DGKI: variants seen among roughly 807,000 people sequenced by gnomAD.
DGKI encodes the protein diacylglycerol kinase iota.
In DGKI, 55 loss-of-function variants were observed where a neutral mutation model predicts 147.5. The ratio of observed to expected loss-of-function variants is 0.37; its 90% CI spans 0.30 to 0.47. The LOEUF (loss-of-function observed/expected upper bound fraction) is 0.47, where lower values mean the gene tolerates loss of function less well. Ranked by LOEUF, DGKI falls within the 20% of genes least tolerant of loss-of-function variation. The pLI is 1.00. For synonymous variants in DGKI, 469 were observed against 477.1 expected (o/e 0.98, Z 0.22); for missense variants, 1,007 against 1,323.8 (o/e 0.76, Z 3.71).
chr7:137,761,368 T>C (rs1239806361), intron 1 of DGKI, among the ~76,000 whole-genome samples: 5 of 152,240 alleles, frequency 3.3e-5, no homozygotes. Context: ...TTATTTACCC[T>C]TTCTGCTGCC....
intron 1 of DGKI, among the ~76,000 whole-genome samples, chr7:137,752,177 A>G (rs1380734135): frequency 6.6e-6 from 1 of 152,012 alleles, no homozygotes; most frequent in Non-Finnish European, 1.5e-5. Flanking sequence ...TTGTGGGGGG[A>G]GCAAAGAGGA....
In DGKI at chr7:137,741,257, G is replaced by A. The variant is rs116169341; in HGVS notation, c.402-51255C>T. Among the ~76,000 whole-genome samples, 751 of 152,156 alleles carry A rather than the reference G, an allele frequency of 4.9e-3. 6 individuals carry two copies. Among genetic ancestry groups the A allele is most frequent in the African/African-American group, 0.017 (710 of 41,518 alleles). On this transcript the variant is annotated intron_variant, in intron 1 of 32. Coordinates refer to ENST00000614521, the MANE Select transcript of DGKI (RefSeq NM_001321708.2). ...AGTAAAAGATAATAAGAGTGCTAAA[G>A]TCAGGTGCGCTCTTCCGTACATAAA... is the stretch of plus-strand genomic sequence containing the variant.
intron 21 of DGKI, among the ~76,000 whole-genome samples, chr7:137,516,182 A>G (rs544030432): frequency 6.6e-6 from 1 of 152,238 alleles, no homozygotes; most frequent in South Asian, 2.1e-4. Flanking sequence ...CTTGAAGCAC[A>G]ATGTACTTAC....
At chr7:137,510,204 A>G (rs1177959852) in intron 21 of DGKI, among the ~76,000 whole-genome samples, 1 of 152,236 alleles carries the variant, frequency 6.6e-6, no homozygotes, top group African/African-American at 2.4e-5. Flanking sequence ...GTCCAACTGA[A>G]TATGTAAGTT....
chr7:137,574,973 C>T (rs1818920366), intron 17 of DGKI, among the ~76,000 whole-genome samples: 2 of 152,216 alleles, frequency 1.3e-5, no homozygotes, highest in Non-Finnish European at 2.9e-5. Flanking sequence ...ATCACTCTCA[C>T]TAACCTTCCA....
chr7:137,684,586 G>A (rs1049935435), intron 2 of DGKI, among the ~76,000 whole-genome samples: 1 of 152,122 alleles, frequency 6.6e-6, no homozygotes, highest in Non-Finnish European at 1.5e-5. Flanking sequence ...GGCAGCCAGG[G>A]TGATTTGATT....
intron 19 of DGKI, 76 bp from the exon 20 acceptor site, chr7:137,552,644 C>T: frequency 6.7e-7 from 1 of 1,495,410 alleles, no homozygotes; most frequent in South Asian, 1.2e-5. Context: ...CGCTGTGGCT[C>T]ATGCCTGTAA....
chr7:137,573,079 A>G (rs1304726446), intron 17 of DGKI, among the ~76,000 whole-genome samples: 8 of 152,168 alleles, frequency 5.3e-5, no homozygotes, highest in African/African-American at 1.7e-4. Context: ...TTTGATTAAA[A>G]TGATTTCTTC....
chr7:137,670,478 G>A (rs1585351878), intron 3 of DGKI, among the ~76,000 whole-genome samples: 1 of 152,316 alleles, frequency 6.6e-6, no homozygotes, highest in Non-Finnish European at 1.5e-5. Flanking sequence ...TCATGGAAAT[G>A]CTGAGCTATC....
intron 23 of DGKI, among the ~76,000 whole-genome samples, chr7:137,476,845 T>C (rs1308489084): frequency 6.6e-6 from 1 of 152,234 alleles, no homozygotes; most frequent in Non-Finnish European, 1.5e-5. Flanking sequence ...GAGTACAGAC[T>C]TCTTTTACTT....
intron 5 of DGKI, among the ~76,000 whole-genome samples, chr7:137,653,918 G>T (rs1822125390): frequency 6.6e-6 from 1 of 152,224 alleles, no homozygotes; most frequent in South Asian, 2.1e-4. Flanking sequence ...TCTGTTCATT[G>T]CAGGCTTTTG....
At chr7:137,541,972 T>C (rs1043095673) in intron 20 of DGKI, among the ~76,000 whole-genome samples, 1 of 152,064 alleles carries the variant, frequency 6.6e-6, no homozygotes, top group African/African-American at 2.4e-5. Flanking sequence ...GGATATATAC[T>C]GGGAGAGAAT....
At chr7:137,555,620 C>T (rs1050665700) in intron 19 of DGKI, among the ~76,000 whole-genome samples, 1 of 151,784 alleles carries the variant, frequency 6.6e-6, no homozygotes, top group African/African-American at 2.4e-5. Flanking sequence ...AACAATAAAT[C>T]GAAAAACCTA....
At chr7:137,561,496 T>C (rs1470311410) in intron 19 of DGKI, among the ~76,000 whole-genome samples, 1 of 152,166 alleles carries the variant, frequency 6.6e-6, no homozygotes, top group African/African-American at 2.4e-5. Flanking sequence ...TAAATTTTAG[T>C]GTTCTATACC....
intron 15 of DGKI, among the ~76,000 whole-genome samples, chr7:137,581,156 T>C (rs892216119): frequency 5.9e-5 from 9 of 152,110 alleles, no homozygotes; most frequent in African/African-American, 1.9e-4. Context: ...TGATGAAATA[T>C]TTAATAGCAT....
chr7:137,392,779 G>A (rs746104266), intron 32 of DGKI, among the ~76,000 whole-genome samples: 1 of 152,134 alleles, frequency 6.6e-6, no homozygotes, highest in African/African-American at 2.4e-5. Flanking sequence ...GGTTGCTGAG[G>A]TGGGCCTTTG....
At chr7:137,561,708 A>C (rs972200638) in intron 19 of DGKI, among the ~76,000 whole-genome samples, 3 of 152,008 alleles carry the variant, frequency 2.0e-5, no homozygotes, top group Non-Finnish European at 4.4e-5. Flanking sequence ...CATAAATTAA[A>C]ATTTTGATTT....
intron 2 of DGKI, among the ~76,000 whole-genome samples, chr7:137,686,695 A>G (rs3778797): frequency 0.44 from 67,179 of 152,046 alleles, 16,243 homozygotes; most frequent in African/African-American, 0.64. Context: ...CTGCTATAAC[A>G]GCACCCTCCT....
At chr7:137,766,369 T>C (rs577863279) in intron 1 of DGKI, among the ~76,000 whole-genome samples, 5 of 152,270 alleles carry the variant, frequency 3.3e-5, no homozygotes, top group Admixed American at 6.5e-5. Flanking sequence ...TGAAAGTAAT[T>C]AAGTTTTTTT....
Sources: gnomAD v4.1 joint callset for allele counts (sites outside exome capture counted in the v4.1 genomes callset) on GRCh38, gnomAD v4.1.1 for gene constraint, MANE v1.5 for transcripts, NCBI Gene and HGNC (gene_info 2026-07-23, HGNC 2026-07-21) for gene names.